The following KLHL5 variants were observed in gnomAD, a reference collection of about 807,000 sequenced individuals.
The protein encoded by KLHL5 is kelch-like protein 5.
A neutral mutation model predicts 77.7 loss-of-function variants in KLHL5; 48 were observed. The ratio of observed to expected loss-of-function variants is 0.62; its 90% CI spans 0.49 to 0.79. The LOEUF (loss-of-function observed/expected upper bound fraction) is 0.79. KLHL5 is among the 30% of genes least tolerant of loss of function. The pLI, the probability that KLHL5 is intolerant of heterozygous loss-of-function variation, is 0.00. For missense variants in KLHL5, 723 were observed against 859.7 expected (o/e 0.84, Z 1.99); for synonymous variants, 260 against 297.0 (o/e 0.88, Z 1.28).
At chr4:39,048,222 G>A (rs990142003) in intron 1 of KLHL5, among the ~76,000 whole-genome samples, 3 of 152,180 alleles carry the variant, frequency 2.0e-5, no homozygotes, top group South Asian at 4.1e-4. Context: ...AGAGTTGAGA[G>A]AATGAGGTGT....
chr4:39,093,577 G>A lies in KLHL5; in HGVS notation c.1114-3115G>A, dbSNP rs575159081. 225 of 366,026 alleles carry A rather than the reference G, an allele frequency of 6.1e-4. 4 individuals are homozygous for A. The highest frequency in any genetic ancestry group is 4.5e-3 in the South Asian group (220 of 48,396). 22.7% of individuals were successfully genotyped at this position (366,026 alleles called of 1,614,324 possible). A position where few individuals can be genotyped will look rare whatever the true frequency, so the allele number is the denominator to read the frequency against. Reference sequence around the variant, plus strand: ...AAAAGGATACACTCTGACCAGAAAGGTCTTTTTCCAGGAATACTAAAATGA... The same window carrying A: ...AAAAGGATACACTCTGACCAGAAAGATCTTTTTCCAGGAATACTAAAATGA... On this transcript the variant is annotated intron_variant, in intron 5 of 10. Coordinates refer to ENST00000504108, the MANE Select transcript of KLHL5 (RefSeq NM_015990.5).
chr4:39,077,722 A>C (rs2712013), intron 2 of KLHL5, among the ~76,000 whole-genome samples: 108,934 of 145,490 alleles, frequency 0.75, 40,765 homozygotes, highest in East Asian at 0.82. Flanking sequence ...AAAAACAAAC[A>C]AACAAAAAAA....
upstream of KLHL5, chr4:39,062,140 G>A (rs1717472382): frequency 1.6e-6 from 1 of 629,990 alleles, no homozygotes; most frequent in Non-Finnish European, 2.0e-6. Context: ...GTTTTAAAGT[G>A]ATTATTTTTA....
intron 2 of KLHL5, among the ~76,000 whole-genome samples, chr4:39,079,173 G>C (rs1184898737): frequency 6.6e-6 from 1 of 152,138 alleles, no homozygotes; most frequent in Non-Finnish European, 1.5e-5. Context: ...ATCTCACTTA[G>C]ATGACTGATG....
intron 1 of KLHL5, among the ~76,000 whole-genome samples, chr4:39,049,381 A>G (rs1716453339): frequency 6.6e-6 from 1 of 152,182 alleles, no homozygotes; most frequent in Non-Finnish European, 1.5e-5. Context: ...TTCAATAAAC[A>G]TTTGTTGAAT....
chr4:39,050,016 G>C (rs879299744), intron 1 of KLHL5, among the ~76,000 whole-genome samples: 2 of 151,900 alleles, frequency 1.3e-5, no homozygotes, highest in African/African-American at 2.4e-5. Flanking sequence ...CAGAGGTTGC[G>C]GTAAGCTGAC....
chr4:39,078,779 C>G (rs889438007), intron 2 of KLHL5, among the ~76,000 whole-genome samples: 1 of 152,178 alleles, frequency 6.6e-6, no homozygotes, highest in South Asian at 2.1e-4. Flanking sequence ...GGATAAAAGA[C>G]TACACATTGG....
At chr4:39,063,480 T>A in intron 1 of KLHL5, 1 of 354,176 alleles carries the variant, frequency 2.8e-6, no homozygotes, top group Non-Finnish European at 5.9e-6. Context: ...TGCAAAGAGA[T>A]GCACATTATA....
chr4:39,048,637 G>GTTTTTTTTTTTTTTTT (rs1577617588), intron 1 of KLHL5, among the ~76,000 whole-genome samples: 1 of 48,724 alleles, frequency 2.1e-5, no homozygotes, highest in African/African-American at 8.2e-5. Context: ...TTTTACATTG[G>GTTTTTTTTTTTTTTTT]CTTTTTTTTT....
At chr4:39,062,170 T>C (rs535699792), upstream of KLHL5, 439 of 833,322 alleles carry the variant, frequency 5.3e-4, 2 homozygotes, top group Middle Eastern at 1.7e-3. Context: ...GGAAATGCTA[T>C]AGAATACATT....
chr4:39,107,346 G>A lies in KLHL5; in HGVS notation c.1526-223G>A, dbSNP rs2566158. On this transcript the variant is annotated intron_variant, in intron 7 of 10. Coordinates refer to ENST00000504108, the MANE Select transcript of KLHL5 (RefSeq NM_015990.5). ...TACAGGCATAAGTCACCGTGCCTGG[G>A]CAGTCTCTAGAACTTTTAAACCAGA... is the stretch of plus-strand genomic sequence containing the variant. 8.1e-3 allele frequency among the ~76,000 whole-genome samples: 1,222 copies of A among 151,508 alleles called. 19 individuals carry two copies. The highest frequency in any genetic ancestry group is 0.028 in the African/African-American group (1,172 of 41,244).
In KLHL5 at chr4:39,125,048, G is replaced by A. The variant is rs555502362; in HGVS notation, c.*3982G>A. Reference sequence around the variant, plus strand: ...CTCTAATGAAGATATACAAATGGCCGACAAGCACATGGAAAGCACTCAACC... The same window carrying A: ...CTCTAATGAAGATATACAAATGGCCAACAAGCACATGGAAAGCACTCAACC... On this transcript the variant is annotated 3_prime_UTR_variant, in exon 11 of 11. Transcript: ENST00000504108. 2.0e-4 allele frequency among the ~76,000 whole-genome samples: 30 copies of A among 151,932 alleles called. No homozygotes were observed. The highest frequency in any genetic ancestry group is 3.4e-4 in the Non-Finnish European group (23 of 68,006).
Position 39,113,173 on chromosome 4 carries a change from A to G in KLHL5, c.1842A>G (p.Ile614Met), listed in dbSNP as rs1267752944. The G allele has an allele frequency of 6.2e-7, 1 of 1,613,988 alleles. No individual in the cohort carries two copies. The highest frequency in any genetic ancestry group is 8.5e-7 in the Non-Finnish European group (1 of 1,179,980). The change falls in exon 9 of 11, where the codon ATA becomes ATG. Residue 614 changes from isoleucine (I) to methionine (M), a missense_variant. Physicochemically the swap from Ile to Met is conservative, Grantham distance 10 (BLOSUM62 1). This residue lies in a region of KLHL5 where 214 missense variants were observed against 237.4 expected (regional missense o/e 0.90). Transcript: ENST00000504108. ...VTTWNGLLYA[I>M]GGHDAPASNL... Reference sequence around the variant, plus strand: ...CCTGGAATGGACTGCTGTATGCTATAGGGGGGCACGATGCTCCCGCATCCA... The same window carrying G: ...CCTGGAATGGACTGCTGTATGCTATGGGGGGGCACGATGCTCCCGCATCCA...
rs192817179 is a variant in KLHL5, at chr4:39,096,415, A to C, written c.1114-277A>C. Among the ~76,000 whole-genome samples, 33 of 152,272 alleles carry C rather than the reference A, an allele frequency of 2.2e-4. 1 individual carries two copies. Among genetic ancestry groups the C allele is most frequent in the Admixed American group, 2.0e-3 (31 of 15,296 alleles). Reference sequence around the variant, plus strand: ...GGAAATTATAGAAAAGTAGTAAAAAAAACTTTATTTAAAAAGCACCAGTAT... The same window carrying C: ...GGAAATTATAGAAAAGTAGTAAAAACAACTTTATTTAAAAAGCACCAGTAT... On this transcript the variant is annotated intron_variant, in intron 5 of 10. Coordinates refer to ENST00000504108, the MANE Select transcript of KLHL5 (RefSeq NM_015990.5).
rs770850044 is a variant in KLHL5 at position 39,115,285 on chromosome 4, T to C, written c.2028T>C (p.Leu676=). 6.2e-7 allele frequency: 1 copy of C among 1,614,038 alleles called. No individual in the cohort carries two copies. The highest frequency in any genetic ancestry group is 1.7e-5 in the Admixed American group (1 of 60,016). The change falls in exon 10 of 11, where the codon CTT becomes CTC. Residue 676 remains leucine, a synonymous_variant. Coordinates refer to ENST00000504108, the MANE Select transcript of KLHL5 (RefSeq NM_015990.5). Reference sequence around the variant, plus strand: ...GGGGGTATGATGGACAGGCATACCTTAATACTGTGGAGGCTTATGATCCCC... The same window carrying C: ...GGGGGTATGATGGACAGGCATACCTCAATACTGTGGAGGCTTATGATCCCC... ...AVGGYDGQAY[L]NTVEAYDPQT...
intron 1 of KLHL5, among the ~76,000 whole-genome samples, chr4:39,068,296 G>A (rs780065507): frequency 1.3e-5 from 2 of 152,010 alleles, no homozygotes; most frequent in African/African-American, 2.4e-5. Flanking sequence ...TGTTTCCAGG[G>A]ATAGCAGAAG....
chr4:39,118,053 T>G (rs1490818452), intron 10 of KLHL5, among the ~76,000 whole-genome samples: 7 of 120,536 alleles, frequency 5.8e-5, no homozygotes, highest in African/African-American at 1.5e-4. Flanking sequence ...AGAGCGAGAC[T>G]CCATCTAAAA....
chr4:39,045,214 G>A (rs1716073950), intron 1 of KLHL5: 1 of 969,286 alleles, frequency 1.0e-6, no homozygotes, highest in Non-Finnish European at 1.2e-6. Flanking sequence ...GGGGCGCGAA[G>A]ACGCTGCCCC....
At chr4:39,072,126 TG>T (rs1718531669) in intron 1 of KLHL5, among the ~76,000 whole-genome samples, 1 of 151,924 alleles carries the variant, frequency 6.6e-6, no homozygotes, top group African/African-American at 2.4e-5. Flanking sequence ...TTATAAAAAA[TG>T]ATGATGCCAG....
Sources: gnomAD v4.1 joint callset for allele counts (sites outside exome capture counted in the v4.1 genomes callset) on GRCh38, gnomAD v4.1.1 for gene constraint, gnomAD v4.1.1 regional missense constraint, MANE v1.5 for transcripts, NCBI Gene and HGNC (gene_info 2026-07-23, HGNC 2026-07-21) for gene names.